NAV1: variants seen among roughly 807,000 people sequenced by gnomAD.
NAV1 encodes the protein neuron navigator 1.
A neutral mutation model predicts 175.2 loss-of-function variants in NAV1; 18 were observed. The observed-to-expected ratio is 0.10, with a 90% confidence interval of 0.07 to 0.15. NAV1 has a LOEUF of 0.15. NAV1 is among the 10% of genes least tolerant of loss of function. The pLI is 1.00. For synonymous variants in NAV1, 897 were observed against 978.7 expected, an observed-to-expected ratio of 0.92 and a Z score of 1.56; for missense variants, 1,731 against 2,436.6, an observed-to-expected ratio of 0.71 and a Z score of 6.10.
chr1:201,745,877 T>C (rs1673735804), intron 3 of NAV1, among the ~76,000 whole-genome samples: 1 of 152,174 alleles, frequency 6.6e-6, no homozygotes, highest in South Asian at 2.1e-4. Flanking sequence ...TTGTCACTCA[T>C]GTTACAGTTC....
Position 201,716,390 on chromosome 1 carries a change from G to A in NAV1, c.861-2000G>A, listed in dbSNP as rs540213148. Among the ~76,000 whole-genome samples, 251 of 152,304 alleles carry A rather than the reference G, an allele frequency of 1.6e-3. 5 individuals carry two copies. The highest frequency in any genetic ancestry group is 2.1e-3 in the Non-Finnish European group (140 of 68,034). On this transcript the variant is annotated intron_variant, in intron 2 of 29. Transcript: ENST00000367296. Reference sequence around the variant, plus strand: ...ATTCATTCTAGAGCACCAGCTCTAGGCCAGGTGCCATGCAAAGTGCTGAAA... The same window carrying A: ...ATTCATTCTAGAGCACCAGCTCTAGACCAGGTGCCATGCAAAGTGCTGAAA...
At chr1:201,794,615 G>A (rs750361556) in intron 15 of NAV1, 38 bp downstream of exon 19, 2 of 1,548,536 alleles carry the variant, frequency 1.3e-6, no homozygotes, top group East Asian at 2.2e-5. Flanking sequence ...GGAACAGGGA[G>A]CAGGAAAGTA....
intron 3 of NAV1, among the ~76,000 whole-genome samples, chr1:201,743,318 G>C (rs1272169273): frequency 1.3e-5 from 2 of 152,210 alleles, no homozygotes; most frequent in Non-Finnish European, 2.9e-5. Flanking sequence ...GAGTTGGCCT[G>C]CGACTTTAGT....
intron 1 of NAV1, among the ~76,000 whole-genome samples, chr1:201,671,655 C>T (rs1293273371): frequency 6.6e-6 from 1 of 152,178 alleles, no homozygotes; most frequent in East Asian, 1.9e-4. Context: ...CACTCCTAAG[C>T]GTTGGGTGGA....
At chr1:201,805,035 G>C (rs1046971419) in intron 17 of NAV1, among the ~76,000 whole-genome samples, 1 of 152,162 alleles carries the variant, frequency 6.6e-6, no homozygotes. Context: ...GCCTAAAACT[G>C]TCTAAGCATC....
chr1:201,611,477 C>G (rs548303108), intron 2 of NAV1, among the ~76,000 whole-genome samples: 1 of 152,294 alleles, frequency 6.6e-6, no homozygotes, highest in Admixed American at 6.5e-5. Context: ...AATGCCCAGT[C>G]TGGAAACACT....
chr1:201,629,646 G>T, intron 2 of NAV1, 139 bp downstream of exon 4: 1 of 466,382 alleles, frequency 2.1e-6, no homozygotes, highest in Non-Finnish European at 3.6e-6. Flanking sequence ...TGCACTTTGA[G>T]TTTTCATCAT....
chr1:201,655,545 C>G (rs1669372588), intron 1 of NAV1, among the ~76,000 whole-genome samples: 2 of 152,222 alleles, frequency 1.3e-5, no homozygotes, highest in Admixed American at 6.5e-5. Context: ...CACCTTCCCC[C>G]ACACTGCTGC....
chr1:201,716,791 T>A (rs1250257625), intron 2 of NAV1, among the ~76,000 whole-genome samples: 1 of 152,100 alleles, frequency 6.6e-6, no homozygotes. Flanking sequence ...GGCAGGAGGG[T>A]CACTTGAGCT....
At position 201,802,136 on chromosome 1, in the gene NAV1, C is replaced by CAAAAAAAAAAAAA. The variant is rs771631007; in HGVS notation, c.3518-1450_3518-1438dup. Among the ~76,000 whole-genome samples the CAAAAAAAAAAAAA allele has an allele frequency of 3.4e-4, 7 of 20,302 alleles. No individual in the cohort carries two copies. In the East Asian group the frequency reaches 3.8e-3, roughly 11 times the overall value. 13.3% of individuals were successfully genotyped at this position (20,302 alleles called of 152,430 possible). The stretch of plus-strand genomic sequence containing the variant: ...TGGGCGACAGAGCGAGACTCCGTCT[C>CAAAAAAAAAAAAA]AAAAAAAAAAAAAAAAAAATTAGCC... On this transcript the variant is annotated intron_variant, in intron 15 of 29. Transcript: ENST00000367296.
chr1:201,687,865 T>C (rs933178467), intron 1 of NAV1, among the ~76,000 whole-genome samples: 2 of 152,188 alleles, frequency 1.3e-5, no homozygotes, highest in Non-Finnish European at 2.9e-5. Context: ...CTCCCTCAGA[T>C]GGGGGAAGAT....
intron 1 of NAV1, among the ~76,000 whole-genome samples, chr1:201,587,864 T>G (rs1667079511): frequency 6.6e-6 from 1 of 152,208 alleles, no homozygotes; most frequent in Non-Finnish European, 1.5e-5. Flanking sequence ...GAACATGAGA[T>G]ACCACTTCCC....
chr1:201,753,593 C>T (rs554750432), intron 3 of NAV1, among the ~76,000 whole-genome samples: 34 of 152,182 alleles, frequency 2.2e-4, no homozygotes, highest in Non-Finnish European at 4.4e-4. Flanking sequence ...ACTCAAACAC[C>T]GTGTGTTTTC....
At chr1:201,695,462 CA>C (rs1324277129) in intron 1 of NAV1, among the ~76,000 whole-genome samples, 1 of 152,202 alleles carries the variant, frequency 6.6e-6, no homozygotes, top group Non-Finnish European at 1.5e-5. Flanking sequence ...TTTGACCAGC[CA>C]GGGGGAAAAG....
intron 2 of NAV1, among the ~76,000 whole-genome samples, chr1:201,716,048 G>A (rs1672129311): frequency 6.6e-6 from 1 of 152,166 alleles, no homozygotes; most frequent in Non-Finnish European, 1.5e-5. Context: ...AATAGGGGAA[G>A]AGGCAATTTT....
At chr1:201,612,357 A>C (rs1474702080) in intron 2 of NAV1, among the ~76,000 whole-genome samples, 1 of 152,134 alleles carries the variant, frequency 6.6e-6, no homozygotes, top group Non-Finnish European at 1.5e-5. Context: ...GGCAGGCTGA[A>C]GTGGGAGGAT....
At chr1:201,565,323 T>C (rs1271434267) in intron 1 of NAV1, among the ~76,000 whole-genome samples, 1 of 152,266 alleles carries the variant, frequency 6.6e-6, no homozygotes, top group East Asian at 1.9e-4. Context: ...ATTTTCTAAA[T>C]AAGAAAGTAC....
chr1:201,663,663 A>C lies in NAV1; in HGVS notation c.757+14238A>C, dbSNP rs886528819. 3.9e-4 allele frequency among the ~76,000 whole-genome samples: 59 copies of C among 152,168 alleles called. 1 individual carries two copies. The highest frequency in any genetic ancestry group is 1.3e-3 in the African/African-American group (54 of 41,446). ...ATCTGGGGAGGAACGAGGCCAAGAC[A>C]TCCTGGTTCCTTCTCTTCTCTCATG... On this transcript the variant is annotated intron_variant, in intron 1 of 29. Transcript: ENST00000367296.
chr1:201,623,316 C>T, exon 1 of NAV1: 1 of 985,922 alleles, frequency 1.0e-6, no homozygotes, highest in Non-Finnish European at 1.2e-6. Flanking sequence ...AGACCCGGGG[C>T]AGAAGCCCTT....
Sources: gnomAD v4.1 joint callset for allele counts (sites outside exome capture counted in the v4.1 genomes callset) on GRCh38, gnomAD v4.1.1 for gene constraint, MANE v1.5 for transcripts, NCBI Gene and HGNC (gene_info 2026-07-23, HGNC 2026-07-21) for gene names.